Variants in GRM5 observed in about 807,000 individuals in gnomAD.
The protein encoded by GRM5 is metabotropic glutamate receptor 5.
In GRM5, 19 loss-of-function variants were observed where a neutral mutation model predicts 83.1. The ratio of observed to expected loss-of-function variants is 0.23; its 90% CI spans 0.16 to 0.34. The LOEUF (loss-of-function observed/expected upper bound fraction) is 0.34, where lower values mean the gene tolerates loss of function less well. Ranked by LOEUF, GRM5 falls within the 10% of genes least tolerant of loss-of-function variation. GRM5 has a pLI of 1.00. For synonymous variants in GRM5, 675 were observed against 633.6 expected, an observed-to-expected ratio of 1.07 and a Z score of -0.98; for missense variants, 1,160 against 1,588.3, an observed-to-expected ratio of 0.73 and a Z score of 4.58.
intron 3 of GRM5, among the ~76,000 whole-genome samples, chr11:88,765,025 G>T (rs374581338): frequency 6.6e-6 from 1 of 151,452 alleles, no homozygotes. Context: ...GAGACATGAT[G>T]AAAAATTCTA....
intron 4 of GRM5, among the ~76,000 whole-genome samples, chr11:88,611,966 T>TATTC (rs1938330239): frequency 6.6e-6 from 1 of 151,436 alleles, no homozygotes; most frequent in Admixed American, 6.6e-5. Context: ...TTTATTTATT[T>TATTC]ATTATTTTTT....
intron 4 of GRM5, among the ~76,000 whole-genome samples, chr11:88,617,410 C>T (rs116768295): frequency 4.5e-4 from 69 of 152,232 alleles, no homozygotes; most frequent in East Asian, 2.9e-3. Flanking sequence ...GTTTCTTGGA[C>T]CTTTTTCCCC....
intron 8 of GRM5, among the ~76,000 whole-genome samples, chr11:88,550,426 T>A (rs1942479549): frequency 6.6e-6 from 1 of 152,198 alleles, no homozygotes; most frequent in African/African-American, 2.4e-5. Flanking sequence ...AACCGTGTAC[T>A]TCATCTGAAT....
At chr11:88,931,111 A>T (rs1937691919) in intron 2 of GRM5, among the ~76,000 whole-genome samples, 1 of 152,038 alleles carries the variant, frequency 6.6e-6, no homozygotes, top group Admixed American at 6.6e-5. Flanking sequence ...GCTATAGGTA[A>T]ATACATGACT....
intron 4 of GRM5, among the ~76,000 whole-genome samples, chr11:88,651,771 T>G (rs1939639030): frequency 6.6e-6 from 1 of 152,064 alleles, no homozygotes; most frequent in Non-Finnish European, 1.5e-5. Flanking sequence ...TATCCCACAC[T>G]CCAGCATTCC....
chr11:88,763,005 C>A (rs541776228), intron 3 of GRM5, among the ~76,000 whole-genome samples: 1 of 151,756 alleles, frequency 6.6e-6, no homozygotes, highest in Admixed American at 6.6e-5. Flanking sequence ...GAATAACAGA[C>A]GTGGGAGACT....
Position 88,752,775 on chromosome 11 carries a change from C to A in GRM5, c.911+97131G>T, listed in dbSNP as rs139969001. On this transcript the variant is annotated intron_variant, in intron 3 of 9. Coordinates refer to ENST00000305447, the MANE Select transcript of GRM5 (RefSeq NM_001143831.3). Reference sequence around the variant, plus strand: ...AGAACAGACACATAAACCAATGGAACAGAAGAGAGAACTCAGAAATAAGAC... The same window carrying A: ...AGAACAGACACATAAACCAATGGAAAAGAAGAGAGAACTCAGAAATAAGAC... 4.6e-5 allele frequency among the ~76,000 whole-genome samples: 7 copies of A among 152,226 alleles called. No individual in the cohort carries two copies. The East Asian group carries it at 1.4e-3, about 29-fold the overall frequency.
chr11:88,581,710 A>G (rs532865434), intron 7 of GRM5, among the ~76,000 whole-genome samples: 2 of 152,300 alleles, frequency 1.3e-5, no homozygotes, highest in African/African-American at 4.8e-5. Context: ...TTTACAGCTG[A>G]TCACCATTAT....
chr11:88,760,339 A>C (rs1942485971), intron 3 of GRM5, among the ~76,000 whole-genome samples: 1 of 152,136 alleles, frequency 6.6e-6, no homozygotes, highest in Non-Finnish European at 1.5e-5. Flanking sequence ...AATAAAGAGA[A>C]GATCTAAATA....
chr11:88,759,951 T>C (rs867271574), intron 3 of GRM5, among the ~76,000 whole-genome samples: 3 of 151,988 alleles, frequency 2.0e-5, no homozygotes, highest in African/African-American at 7.2e-5. Context: ...TACATGGAAA[T>C]TGAATAATGT....
intron 3 of GRM5, among the ~76,000 whole-genome samples, chr11:88,687,927 C>G (rs867246029): frequency 6.6e-6 from 1 of 151,928 alleles, no homozygotes; most frequent in Non-Finnish European, 1.5e-5. Context: ...ATCTTCCTTC[C>G]GCCCTAACAC....
chr11:88,841,142 A>G (rs1412285122), intron 3 of GRM5, among the ~76,000 whole-genome samples: 1 of 152,210 alleles, frequency 6.6e-6, no homozygotes, highest in African/African-American at 2.4e-5. Flanking sequence ...GCTCACTTCT[A>G]TTCTTTACTA....
chr11:88,588,331 T>G (rs1044070637), intron 7 of GRM5, among the ~76,000 whole-genome samples: 3 of 152,192 alleles, frequency 2.0e-5, no homozygotes, highest in African/African-American at 4.8e-5. Flanking sequence ...TTAGGAAATT[T>G]TAAATATTTA....
intron 3 of GRM5, among the ~76,000 whole-genome samples, chr11:88,834,221 A>G (rs1039928045): frequency 6.6e-6 from 1 of 152,184 alleles, no homozygotes. Flanking sequence ...AAAAAAAATC[A>G]TGTGTACCCC....
At chr11:88,689,671 G>T (rs1940730958) in intron 3 of GRM5, among the ~76,000 whole-genome samples, 1 of 152,114 alleles carries the variant, frequency 6.6e-6, no homozygotes, top group Non-Finnish European at 1.5e-5. Flanking sequence ...ATCACTTTCT[G>T]ATCCCCAGCT....
chr11:88,737,950 A>C (rs1375878467), intron 3 of GRM5, among the ~76,000 whole-genome samples: 1 of 152,064 alleles, frequency 6.6e-6, no homozygotes, highest in Non-Finnish European at 1.5e-5. Context: ...TATACAATTC[A>C]TGATTACAAT....
chr11:88,597,375 T>C (rs745676671), intron 5 of GRM5, 23 bp from the exon 6 acceptor site: 2 of 1,259,892 alleles, frequency 1.6e-6, no homozygotes, highest in Admixed American at 2.1e-5. Flanking sequence ...AATATGATAA[T>C]TATGCAGCTT....
At chr11:88,674,615 A>T (rs1940276658) in intron 3 of GRM5, among the ~76,000 whole-genome samples, 1 of 151,826 alleles carries the variant, frequency 6.6e-6, no homozygotes, top group African/African-American at 2.4e-5. Context: ...TCAAACAAGG[A>T]TTATAGGTTT....
intron 2 of GRM5, among the ~76,000 whole-genome samples, chr11:88,908,786 T>A (rs897486648): frequency 9.9e-5 from 15 of 152,282 alleles, no homozygotes; most frequent in Middle Eastern, 3.4e-3. Context: ...ACCTAAAACT[T>A]CACCAAAAGC....
Sources: gnomAD v4.1 joint callset for allele counts (sites outside exome capture counted in the v4.1 genomes callset) on GRCh38, gnomAD v4.1.1 for gene constraint, MANE v1.5 for transcripts, NCBI Gene and HGNC (gene_info 2026-07-23, HGNC 2026-07-21) for gene names.